The following GXYLT2 variants were observed in gnomAD, a reference collection of about 807,000 sequenced individuals.
GXYLT2 encodes glucoside xylosyltransferase 2, also known as glycosyltransferase 8 domain containing 4.
A neutral mutation model predicts 45.8 loss-of-function variants in GXYLT2; 53 were observed. The observed-to-expected ratio is 1.16, with a 90% CI of 0.93 to 1.46. GXYLT2 has a LOEUF of 1.46. Among genes scored for constraint, GXYLT2 ranks in the 40% most tolerant of loss-of-function variants. The probability of loss-of-function intolerance (pLI) is 0.00; values close to 1 mark genes in which losing one functional copy is unlikely to be tolerated. For synonymous variants in GXYLT2, 219 were observed against 214.2 expected (o/e 1.02, Z -0.19); for missense variants, 551 against 544.4 (o/e 1.01, Z -0.12).
At chr3:72,904,893 A>AT (rs1709478456) in intron 1 of GXYLT2, among the ~76,000 whole-genome samples, 5 of 145,448 alleles carry the variant, frequency 3.4e-5, no homozygotes, top group Non-Finnish European at 7.7e-5. Context: ...AAAAAAAAAA[A>AT]AAAAATTAAC....
intron 6 of GXYLT2, among the ~76,000 whole-genome samples, chr3:72,969,916 A>C (rs1710952917): frequency 1.3e-5 from 2 of 149,610 alleles, no homozygotes; most frequent in South Asian, 4.2e-4. Context: ...TTTGAAAAAA[A>C]AAAAACAAAA....
At chr3:72,911,021 G>T (rs1191663089) in intron 2 of GXYLT2, among the ~76,000 whole-genome samples, 2 of 152,286 alleles carry the variant, frequency 1.3e-5, no homozygotes, top group African/African-American at 4.8e-5. Context: ...GCCAGGCGTG[G>T]TGGCTCACAC....
At chr3:72,974,883 T>C in intron 6 of GXYLT2, 94 bp from the exon 7 acceptor site, 1 of 937,620 alleles carries the variant, frequency 1.1e-6, no homozygotes, top group South Asian at 1.7e-5. Flanking sequence ...CCTGTGGGCT[T>C]ATCGTAATTC....
At chr3:72,969,946 G>A (rs971169087) in intron 6 of GXYLT2, among the ~76,000 whole-genome samples, 2 of 147,454 alleles carry the variant, frequency 1.4e-5, no homozygotes, top group Non-Finnish European at 3.0e-5. Flanking sequence ...GCCCAGCACA[G>A]TGACTCATGC....
intron 2 of GXYLT2, among the ~76,000 whole-genome samples, chr3:72,921,111 A>G (rs1009506571): frequency 3.9e-5 from 6 of 151,976 alleles, no homozygotes; most frequent in Non-Finnish European, 8.8e-5. Context: ...GTGAGCCACC[A>G]CGCCCGGCCT....
chr3:72,894,918 C>T (rs1025053689), intron 1 of GXYLT2, among the ~76,000 whole-genome samples: 1 of 152,214 alleles, frequency 6.6e-6, no homozygotes, highest in Non-Finnish European at 1.5e-5. Context: ...TCCTGCCCAG[C>T]CCATTGCCAC....
intron 2 of GXYLT2, among the ~76,000 whole-genome samples, chr3:72,911,991 G>GTATATATATATA (rs1285660987): frequency 1.5e-5 from 2 of 131,808 alleles, no homozygotes; most frequent in African/African-American, 6.6e-5. Context: ...GTGTGTGTGT[G>GTATATATATATA]TGTATATATA....
In GXYLT2 at chr3:72,888,397, CG is replaced by C; in HGVS notation, c.168del (p.Pro57ArgfsTer93). ...CCCGCGCCTGTCCCCGCGCGCTGGC[CG>C]GGGCCGGGCGCCCTCCCCGGGGCCA... The part of the protein sequence containing the change: ...RHPAPVPARW[P>X]GPGALPGASP... On this transcript the variant is annotated frameshift_variant, in exon 1 of 7. Coordinates refer to ENST00000389617, the MANE Select transcript of GXYLT2 (RefSeq NM_001080393.2). LOFTEE classifies it high-confidence loss of function. 1.0e-6 allele frequency: 1 copy of C among 999,830 alleles called. No homozygotes were observed. Among genetic ancestry groups the C allele is most frequent in the Non-Finnish European group, 1.2e-6 (1 of 841,292 alleles). 61.9% of individuals were successfully genotyped at this position (999,830 alleles called of 1,614,324 possible).
At chr3:72,972,897 A>C (rs1468613602) in intron 6 of GXYLT2, among the ~76,000 whole-genome samples, 2 of 151,920 alleles carry the variant, frequency 1.3e-5, no homozygotes, top group Non-Finnish European at 2.9e-5. Context: ...GGATGGCCCC[A>C]CTGTACTCCA....
In GXYLT2 at chr3:72,976,622, G is replaced by A. The variant is rs931567908; in HGVS notation, c.*1463G>A. 6.6e-6 allele frequency: 1 copy of A among 152,172 alleles called. No individual in the cohort carries two copies. The highest frequency in any genetic ancestry group is 2.4e-5 in the African/African-American group (1 of 41,436). 9.4% of individuals were successfully genotyped at this position (152,172 alleles called of 1,614,324 possible). On this transcript the variant is annotated 3_prime_UTR_variant, in exon 7 of 7. Transcript: ENST00000389617. ...GGAAGTTGAATATTCTGTTCCCCAC[G>A]GGGATCTGGCTTAATCCCTAGTTGC...
intron 1 of GXYLT2, among the ~76,000 whole-genome samples, chr3:72,896,076 G>C (rs1350891982): frequency 6.6e-6 from 1 of 152,152 alleles, no homozygotes; most frequent in Non-Finnish European, 1.5e-5. Context: ...GCTGTTCTGG[G>C]TACTATTATT....
intron 1 of GXYLT2, among the ~76,000 whole-genome samples, chr3:72,903,361 A>G (rs925535851): frequency 1.2e-4 from 19 of 152,196 alleles, no homozygotes; most frequent in African/African-American, 4.6e-4. Context: ...TTGAGAAACT[A>G]TCAAAATTGC....
chr3:72,927,889 G>A (rs545112220), intron 3 of GXYLT2, among the ~76,000 whole-genome samples: 1 of 152,096 alleles, frequency 6.6e-6, no homozygotes, highest in Admixed American at 6.6e-5. Flanking sequence ...TACAACTCTT[G>A]GTTATATGTG....
intron 2 of GXYLT2, among the ~76,000 whole-genome samples, chr3:72,914,793 A>G (rs7616163): frequency 0.16 from 24,335 of 152,108 alleles, 2,707 homozygotes; most frequent in African/African-American, 0.32. Flanking sequence ...GTCTGTCTCA[A>G]GCTGGATCAG....
At chr3:72,906,637 A>G (rs1709515195) in intron 1 of GXYLT2, among the ~76,000 whole-genome samples, 1 of 152,190 alleles carries the variant, frequency 6.6e-6, no homozygotes. Flanking sequence ...GCCTACACAT[A>G]ACAGTACTTA....
intron 3 of GXYLT2, among the ~76,000 whole-genome samples, chr3:72,929,755 A>C (rs1184868465): frequency 6.6e-6 from 1 of 152,256 alleles, no homozygotes; most frequent in Admixed American, 6.5e-5. Flanking sequence ...GAAAAGAAAG[A>C]ATAGAGGAAC....
chr3:72,933,931 A>G lies in GXYLT2; in HGVS notation c.600+11596A>G, dbSNP rs374334435. Among the ~76,000 whole-genome samples, 52 of 152,138 alleles carry G rather than the reference A, an allele frequency of 3.4e-4. No individual in the cohort carries two copies. The East Asian group carries it at 7.5e-3, about 22-fold the overall frequency. On this transcript the variant is annotated intron_variant, in intron 3 of 6. Coordinates refer to ENST00000389617, the MANE Select transcript of GXYLT2 (RefSeq NM_001080393.2). ...AAATTAAGAATAATAATAATAAAGAAAGGAAAGGATGTTGGGAGTTCTCAG... is the reference window on the plus strand; with the variant it reads ...AAATTAAGAATAATAATAATAAAGAGAGGAAAGGATGTTGGGAGTTCTCAG...
At chr3:72,931,111 T>TACAATGTATGTTCTCTGACC (rs1424300832) in intron 3 of GXYLT2, among the ~76,000 whole-genome samples, 1 of 152,242 alleles carries the variant, frequency 6.6e-6, no homozygotes, top group Non-Finnish European at 1.5e-5. Context: ...ATTGAAGTTA[T>TACAATGTATGTTCTCTGACC]ACAATGTATG....
intron 2 of GXYLT2, among the ~76,000 whole-genome samples, chr3:72,909,823 G>T (rs890580534): frequency 2.6e-5 from 4 of 152,150 alleles, no homozygotes; most frequent in African/African-American, 7.2e-5. Flanking sequence ...GGTTTGCTTT[G>T]TGTCTACCAA....
Sources: allele counts gnomAD v4.1 joint callset (sites outside exome capture counted in the v4.1 genomes callset), GRCh38; gene constraint gnomAD v4.1.1; transcripts MANE v1.5; gene names NCBI Gene and HGNC (gene_info 2026-07-23, HGNC 2026-07-21).